TASP1: variants seen among roughly 807,000 people sequenced by gnomAD.
The protein encoded by TASP1 is threonine aspartase 1.
A neutral mutation model predicts 56.6 loss-of-function variants in TASP1; 16 were observed. That is an observed-to-expected ratio of 0.28 (90% CI 0.19 to 0.43). TASP1 has a LOEUF of 0.43. Among genes scored for constraint, TASP1 ranks in the 20% least tolerant of loss-of-function variants. The probability of loss-of-function intolerance (pLI) is 1.00; values close to 1 mark genes in which losing one functional copy is unlikely to be tolerated. For synonymous variants in TASP1, 179 were observed against 184.2 expected, an observed-to-expected ratio of 0.97 and a Z score of 0.23; for missense variants, 393 against 511.6, an observed-to-expected ratio of 0.77 and a Z score of 2.24.
At chr20:13,554,275 G>T (rs2046079647) in intron 8 of TASP1, among the ~76,000 whole-genome samples, 1 of 152,106 alleles carries the variant, frequency 6.6e-6, no homozygotes, top group Non-Finnish European at 1.5e-5. Flanking sequence ...AGAGAGCAAG[G>T]GGACAAATAT....
At chr20:13,134,734 G>A in the TASP1 span, among the ~76,000 whole-genome samples, 1 of 151,992 alleles carries the variant, frequency 6.6e-6, no homozygotes, top group African/African-American at 2.4e-5. Context: ...TGGAATTCTG[G>A]CAGATGCAAA....
chr20:13,218,967 A>T, the TASP1 span, among the ~76,000 whole-genome samples: 1 of 152,244 alleles, frequency 6.6e-6, no homozygotes, highest in Non-Finnish European at 1.5e-5. Flanking sequence ...TTGATCTCCA[A>T]ATCTCCATTT....
chr20:13,233,576 CAA>C, the TASP1 span, among the ~76,000 whole-genome samples: 2 of 115,072 alleles, frequency 1.7e-5, no homozygotes, highest in Admixed American at 2.2e-4. Context: ...GCCTGGGCAA[CAA>C]GAGCGAAACT....
At chr20:13,418,047 G>A (rs1264959174) in intron 12 of TASP1, among the ~76,000 whole-genome samples, 18 of 152,272 alleles carry the variant, frequency 1.2e-4, no homozygotes, top group Non-Finnish European at 5.9e-5. Context: ...TGAGTAGCTG[G>A]GATGACAGGC....
At chr20:13,156,485 G>A in the TASP1 span, among the ~76,000 whole-genome samples, 1 of 152,164 alleles carries the variant, frequency 6.6e-6, no homozygotes, top group Non-Finnish European at 1.5e-5. Flanking sequence ...CCTCTTCCTA[G>A]CTGGGGATTC....
intron 8 of TASP1, among the ~76,000 whole-genome samples, chr20:13,556,527 C>A (rs535293461): frequency 2.0e-5 from 3 of 152,308 alleles, no homozygotes; most frequent in Admixed American, 6.5e-5. Context: ...AAATAAAATT[C>A]TTGAATAAAA....
chr20:13,286,125 C>CT, the TASP1 span, among the ~76,000 whole-genome samples: 109 of 152,128 alleles, frequency 7.2e-4, no homozygotes, highest in African/African-American at 2.5e-3. Flanking sequence ...TACTTTTGAC[C>CT]TTTTTTTAGC....
chr20:13,470,264 T>C (rs1197089597), intron 11 of TASP1, among the ~76,000 whole-genome samples: 1 of 151,926 alleles, frequency 6.6e-6, no homozygotes, highest in Admixed American at 6.6e-5. Flanking sequence ...TAAAAAGGGG[T>C]AGAGGGGGGC....
the TASP1 span, among the ~76,000 whole-genome samples, chr20:13,126,163 A>G: frequency 4.6e-5 from 7 of 152,170 alleles, no homozygotes; most frequent in Admixed American, 1.3e-4. Flanking sequence ...CCTAGTTTGC[A>G]TGGACTGTGA....
intron 10 of TASP1, among the ~76,000 whole-genome samples, chr20:13,495,581 A>T (rs1421456912): frequency 1.3e-5 from 2 of 152,208 alleles, no homozygotes; most frequent in African/African-American, 2.4e-5. Flanking sequence ...AAAAATTATC[A>T]GATGAAAGTA....
intron 4 of TASP1, among the ~76,000 whole-genome samples, chr20:13,618,138 G>C (rs1266444808): frequency 6.6e-6 from 1 of 151,982 alleles, no homozygotes; most frequent in Non-Finnish European, 1.5e-5. Context: ...AGCTGGGCAC[G>C]GTGGCTCACA....
chr20:13,223,164 A>AT, the TASP1 span, among the ~76,000 whole-genome samples: 2 of 143,344 alleles, frequency 1.4e-5, no homozygotes, highest in South Asian at 2.2e-4. Flanking sequence ...CTCAAAAAAA[A>AT]AATAAAATAA....
intron 11 of TASP1, among the ~76,000 whole-genome samples, chr20:13,464,255 G>A (rs2044165535): frequency 6.6e-6 from 1 of 152,138 alleles, no homozygotes; most frequent in Admixed American, 6.5e-5. Flanking sequence ...AACATGGCTT[G>A]TGTCATTACA....
the TASP1 span, among the ~76,000 whole-genome samples, chr20:13,273,743 C>T: frequency 6.6e-6 from 1 of 152,212 alleles, no homozygotes. Context: ...AGCCTAGCTA[C>T]TGTCAAAGTC....
chr20:13,416,890 G>A lies in TASP1; in HGVS notation c.1170+558C>T, dbSNP rs1434111708. On this transcript the variant is annotated intron_variant, in intron 13 of 13. Transcript: ENST00000337743. ...TGATTATTGCAACTCACTGAGCGAC[G>A]AGTGCCACAGGCATGTGGGACATGG... 3.3e-5 allele frequency among the ~76,000 whole-genome samples: 5 copies of A among 152,228 alleles called. No individual in the cohort carries two copies. The East Asian group carries it at 5.8e-4, about 18-fold the overall frequency.
chr20:13,288,320 T>A, the TASP1 span, among the ~76,000 whole-genome samples: 1 of 152,194 alleles, frequency 6.6e-6, no homozygotes, highest in African/African-American at 2.4e-5. Context: ...TCTAGGGATG[T>A]ACAGACCACC....
chr20:13,308,967 C>T, the TASP1 span, among the ~76,000 whole-genome samples: 3,600 of 152,216 alleles, frequency 0.024, 46 homozygotes, highest in Non-Finnish European at 0.03. Context: ...TCTGGCCATG[C>T]TAGCACCTTG....
chr20:13,363,070 C>G, the TASP1 span, among the ~76,000 whole-genome samples: 1 of 151,816 alleles, frequency 6.6e-6, no homozygotes, highest in African/African-American at 2.4e-5. Flanking sequence ...TTTTTGTGAA[C>G]CTGAGTGATA....
chr20:13,237,260 A>G, the TASP1 span, among the ~76,000 whole-genome samples: 1 of 152,360 alleles, frequency 6.6e-6, no homozygotes, highest in Middle Eastern at 3.4e-3. Context: ...ACAGAAATCT[A>G]TTCACTAATG....
Sources: allele counts gnomAD v4.1 joint callset (sites outside exome capture counted in the v4.1 genomes callset), GRCh38; gene constraint gnomAD v4.1.1; transcripts MANE v1.5; gene names NCBI Gene and HGNC (gene_info 2026-07-23, HGNC 2026-07-21).